Variants in DTNA observed in about 807,000 individuals in gnomAD.
The protein encoded by DTNA is dystrophin-related protein 3.
In DTNA, 43 loss-of-function variants were observed where a neutral mutation model predicts 100.7. That is an observed-to-expected ratio of 0.43 (90% CI 0.33 to 0.55). DTNA has a LOEUF of 0.55. Among genes scored for constraint, DTNA ranks in the 20% least tolerant of loss-of-function variants. The pLI, the probability that DTNA is intolerant of heterozygous loss-of-function variation, is 0.04. For missense variants in DTNA, 798 were observed against 953.9 expected (o/e 0.84, Z 2.15); for synonymous variants, 349 against 347.9 (o/e 1.00, Z -0.04).
chr18:34,582,006 C>T (rs549875659), intron 1 of DTNA, among the ~76,000 whole-genome samples: 1 of 152,206 alleles, frequency 6.6e-6, no homozygotes, highest in East Asian at 1.9e-4. Context: ...AAAGCTATAA[C>T]GCAAACTTAT....
chr18:34,502,051 T>C (rs1019689494), intron 1 of DTNA, among the ~76,000 whole-genome samples: 2 of 152,204 alleles, frequency 1.3e-5, no homozygotes, highest in African/African-American at 4.8e-5. Flanking sequence ...ACATATGAAT[T>C]TGTGGGACGA....
At chr18:34,529,163 A>G (rs1303382873) in intron 1 of DTNA, among the ~76,000 whole-genome samples, 1 of 152,132 alleles carries the variant, frequency 6.6e-6, no homozygotes, top group Non-Finnish European at 1.5e-5. Flanking sequence ...AACGGAACCC[A>G]TTCTAGTGAC....
intron 1 of DTNA, among the ~76,000 whole-genome samples, chr18:34,584,529 A>G (rs1329001523): frequency 2.0e-5 from 3 of 152,156 alleles, no homozygotes; most frequent in Non-Finnish European, 4.4e-5. Flanking sequence ...AAGATGAGAG[A>G]CTCTTCTAGA....
intron 15 of DTNA, among the ~76,000 whole-genome samples, chr18:34,856,771 G>T (rs1005513076): frequency 6.6e-6 from 1 of 152,208 alleles, no homozygotes; most frequent in Non-Finnish European, 1.5e-5. Context: ...AAAGAAGTCA[G>T]CAGAGTTCCC....
chr18:34,570,106 C>G (rs1239442212), intron 1 of DTNA, among the ~76,000 whole-genome samples: 4 of 152,088 alleles, frequency 2.6e-5, no homozygotes, highest in Admixed American at 6.5e-5. Context: ...TGGGAGTTTG[C>G]CTTTTTGAAC....
At chr18:34,688,943 ATATTTG>A (rs929263924) in intron 1 of DTNA, among the ~76,000 whole-genome samples, 15 of 151,878 alleles carry the variant, frequency 9.9e-5, no homozygotes, top group African/African-American at 3.6e-4. Flanking sequence ...TCAGCTATTG[ATATTTG>A]TATATGCTTC....
At chr18:34,725,790 C>A (rs1169848994) in intron 1 of DTNA, among the ~76,000 whole-genome samples, 1 of 152,188 alleles carries the variant, frequency 6.6e-6, no homozygotes, top group African/African-American at 2.4e-5. Flanking sequence ...TATAAAGACA[C>A]ATGCACACGT....
chr18:34,672,983 T>C (rs2076956310), intron 1 of DTNA, among the ~76,000 whole-genome samples: 1 of 152,050 alleles, frequency 6.6e-6, no homozygotes, highest in Non-Finnish European at 1.5e-5. Flanking sequence ...CACACACACA[T>C]ACCCGCAGTT....
At chr18:34,728,626 G>T (rs1365173923) in intron 1 of DTNA, among the ~76,000 whole-genome samples, 1 of 152,108 alleles carries the variant, frequency 6.6e-6, no homozygotes, top group Non-Finnish European at 1.5e-5. Flanking sequence ...GGGTACAGTT[G>T]GCTGCAGACT....
At chr18:34,691,661 C>A (rs1351808737) in intron 1 of DTNA, among the ~76,000 whole-genome samples, 2 of 152,170 alleles carry the variant, frequency 1.3e-5, no homozygotes, top group East Asian at 3.9e-4. Flanking sequence ...ACCTTTGCTT[C>A]CCATCAGCTG....
chr18:34,871,599 C>T (rs1329792639), intron 17 of DTNA, among the ~76,000 whole-genome samples: 1 of 152,166 alleles, frequency 6.6e-6, no homozygotes, highest in Non-Finnish European at 1.5e-5. Context: ...GCCTCATGAC[C>T]AGGCTGGAGG....
chr18:34,764,948 T>C (rs545398012), intron 2 of DTNA, among the ~76,000 whole-genome samples: 26 of 152,234 alleles, frequency 1.7e-4, no homozygotes, highest in African/African-American at 6.3e-4. Context: ...CTAGACAAAG[T>C]CTAGAGATTA....
chr18:34,882,278 C>T, intron 21 of DTNA, 77 bp downstream of exon 21: 1 of 1,572,140 alleles, frequency 6.4e-7, no homozygotes, highest in Non-Finnish European at 8.7e-7. Flanking sequence ...ACATGACTTG[C>T]AGAATCAGAG....
chr18:34,873,750 G>T (rs1289686988), intron 17 of DTNA, among the ~76,000 whole-genome samples: 1 of 152,180 alleles, frequency 6.6e-6, no homozygotes, highest in Admixed American at 6.5e-5. Context: ...TTTATTATTG[G>T]CATGGGAAGG....
intron 1 of DTNA, among the ~76,000 whole-genome samples, chr18:34,649,555 G>C (rs1240976): frequency 0.12 from 18,240 of 152,126 alleles, 1,162 homozygotes; most frequent in African/African-American, 0.16. Context: ...GCACTATTTT[G>C]AGCTACAAGT....
intron 1 of DTNA, among the ~76,000 whole-genome samples, chr18:34,742,562 G>C (rs2090852728): frequency 2.2e-5 from 3 of 137,600 alleles, no homozygotes; most frequent in Non-Finnish European, 4.7e-5. Context: ...CATCCACAAA[G>C]TCCCTTTTGT....
chr18:34,556,864 T>A (rs1042262173), intron 1 of DTNA, among the ~76,000 whole-genome samples: 14 of 150,556 alleles, frequency 9.3e-5, no homozygotes, highest in African/African-American at 3.5e-4. Flanking sequence ...GTTGCTCTTC[T>A]CGAGGAGTAT....
chr18:34,656,324 A>G (rs950494374), intron 1 of DTNA, among the ~76,000 whole-genome samples: 10 of 152,250 alleles, frequency 6.6e-5, no homozygotes, highest in African/African-American at 2.2e-4. Flanking sequence ...TGGTTAAGTC[A>G]GTGAAGACTG....
At chr18:34,600,001 C>G (rs2051457930) in intron 1 of DTNA, among the ~76,000 whole-genome samples, 1 of 152,048 alleles carries the variant, frequency 6.6e-6, no homozygotes, top group Admixed American at 6.6e-5. Flanking sequence ...ATGTATCTTT[C>G]ATTGATATTT....
Sources: allele counts gnomAD v4.1 joint callset (sites outside exome capture counted in the v4.1 genomes callset), GRCh38; gene constraint gnomAD v4.1.1; transcripts MANE v1.5; gene names NCBI Gene and HGNC (gene_info 2026-07-23, HGNC 2026-07-21).